SERAC1: variants seen among roughly 807,000 people sequenced by gnomAD.
The protein encoded by SERAC1 is protein SERAC1.
In SERAC1, 36 loss-of-function variants were observed where a neutral mutation model predicts 85.7. That is an observed-to-expected ratio of 0.42 (90% CI 0.32 to 0.55). SERAC1 has a LOEUF of 0.55. Ranked by LOEUF, SERAC1 falls within the 20% of genes least tolerant of loss-of-function variation. SERAC1 has a pLI of 0.11. For synonymous variants in SERAC1, 242 were observed against 265.3 expected (o/e 0.91, Z 0.85); for missense variants, 629 against 796.2 (o/e 0.79, Z 2.53).
At chr6:158,115,461 C>T (rs539530343) in intron 14 of SERAC1, among the ~76,000 whole-genome samples, 1 of 152,148 alleles carries the variant, frequency 6.6e-6, no homozygotes, top group Non-Finnish European at 1.5e-5. Context: ...GCTTTGGAAC[C>T]GATAATGAAA....
chr6:158,137,485 A>G (rs1391092676), intron 8 of SERAC1, among the ~76,000 whole-genome samples: 1 of 152,228 alleles, frequency 6.6e-6, no homozygotes, highest in East Asian at 1.9e-4. Flanking sequence ...CTGCCCAAGC[A>G]GAATGGAAAT....
chr6:158,131,354 ATATAC>A (rs928029305), intron 8 of SERAC1, among the ~76,000 whole-genome samples: 2 of 147,268 alleles, frequency 1.4e-5, no homozygotes, highest in African/African-American at 4.9e-5. Flanking sequence ...TTATATACTA[ATATAC>A]TATATATTTA....
chr6:158,124,796 C>T (rs542111003), intron 10 of SERAC1, among the ~76,000 whole-genome samples: 1 of 144,386 alleles, frequency 6.9e-6, no homozygotes, highest in South Asian at 2.2e-4. Context: ...CACATACACA[C>T]TCAACAAAGA....
At chr6:158,144,273 A>T in intron 7 of SERAC1, 26 bp downstream of exon 7, 1 of 1,572,044 alleles carries the variant, frequency 6.4e-7, no homozygotes, top group Non-Finnish European at 8.7e-7. Context: ...CACTCTCTAA[A>T]TTACTATTAT....
At chr6:158,133,567 A>G (rs1784728601) in intron 8 of SERAC1, among the ~76,000 whole-genome samples, 1 of 151,882 alleles carries the variant, frequency 6.6e-6, no homozygotes, top group African/African-American at 2.4e-5. Context: ...TTGTATTCTC[A>G]GTAGAGATAG....
At position 158,111,186 on chromosome 6, in the gene SERAC1, C is replaced by A; in HGVS notation, c.*180G>T. ...GCCCTTCCTTCTGTGCCTGCCACTTCCGGGTTGGTGCTTTACAGCGCTTGA... is the reference window on the plus strand; with the variant it reads ...GCCCTTCCTTCTGTGCCTGCCACTTACGGGTTGGTGCTTTACAGCGCTTGA... On this transcript the variant is annotated 3_prime_UTR_variant, in exon 17 of 17. Coordinates refer to ENST00000647468, the MANE Select transcript of SERAC1 (RefSeq NM_032861.4). The A allele has an allele frequency of 2.0e-6, 1 of 488,028 alleles. No individual in the cohort carries two copies. Among genetic ancestry groups the A allele is most frequent in the Admixed American group, 4.0e-5 (1 of 25,236 alleles). The allele number at this position is 488,028 out of a possible 1,614,324, so 30.2% of individuals were successfully genotyped here. A position where few individuals can be genotyped will look rare whatever the true frequency, so the allele number is the denominator to read the frequency against.
intron 8 of SERAC1, among the ~76,000 whole-genome samples, chr6:158,140,326 A>G (rs1490921230): frequency 2.0e-5 from 3 of 152,208 alleles, no homozygotes; most frequent in Admixed American, 6.5e-5. Flanking sequence ...GGTTGAGGTG[A>G]TCACCAAAGG....
At position 158,117,945 on chromosome 6, in the gene SERAC1, G is replaced by A; in HGVS notation, c.1309-124C>T. On this transcript the variant is annotated intron_variant, in intron 12 of 16. Transcript: ENST00000647468. The surrounding 1 kb of genome is among the most constrained non-coding windows in gnomAD (Gnocchi z 4.3). Reference sequence around the variant, plus strand: ...TAATTAAAGATAGCACTGGAATAAGGTTTGAAGGTACCGTAAAAACAATTC... The same window carrying A: ...TAATTAAAGATAGCACTGGAATAAGATTTGAAGGTACCGTAAAAACAATTC... 1 of 721,166 alleles carries A rather than the reference G, an allele frequency of 1.4e-6. No individual in the cohort carries two copies. Among genetic ancestry groups the A allele is most frequent in the Non-Finnish European group, 2.3e-6 (1 of 436,958 alleles). 44.7% of individuals were successfully genotyped at this position (721,166 alleles called of 1,614,324 possible).
At chr6:158,127,004 G>A (rs1241964458) in intron 10 of SERAC1, among the ~76,000 whole-genome samples, 3 of 150,960 alleles carry the variant, frequency 2.0e-5, no homozygotes, top group Admixed American at 6.6e-5. Context: ...AGTGAGCTAT[G>A]ACCACACCAC....
intron 8 of SERAC1, among the ~76,000 whole-genome samples, chr6:158,140,840 A>G (rs775956140): frequency 2.6e-5 from 4 of 151,854 alleles, no homozygotes; most frequent in African/African-American, 9.7e-5. Flanking sequence ...GTAGGGAAAA[A>G]CCCTCCACAC....
chr6:158,166,175 G>C (rs928088777), intron 1 of SERAC1: 1 of 152,186 alleles, frequency 6.6e-6, no homozygotes, highest in Non-Finnish European at 1.5e-5. Flanking sequence ...TAGTTTGAAA[G>C]TAAGAATCTA....
At chr6:158,155,159 GACA>G (rs1230619734) in intron 3 of SERAC1, among the ~76,000 whole-genome samples, 153 bp downstream of exon 3, 4 of 152,168 alleles carry the variant, frequency 2.6e-5, no homozygotes, top group Non-Finnish European at 5.9e-5. Flanking sequence ...ACCACATCAT[GACA>G]ACATTTAAGT....
At chr6:158,136,276 ATTTT>A (rs1349045840) in intron 8 of SERAC1, among the ~76,000 whole-genome samples, 1 of 152,068 alleles carries the variant, frequency 6.6e-6, no homozygotes, top group African/African-American at 2.4e-5. Flanking sequence ...ATCAGAATTT[ATTTT>A]CTCTTTTGAT....
chr6:158,165,839 TCTTGTCTAGTTCAAGCCAA>T (rs1562464970), intron 1 of SERAC1, among the ~76,000 whole-genome samples: 1 of 152,180 alleles, frequency 6.6e-6, no homozygotes, highest in Non-Finnish European at 1.5e-5. Context: ...ACTGCTACAC[TCTTGTCTAGTTCAAGCCAA>T]CATCATCTCT....
chr6:158,114,815 G>A lies in SERAC1; in HGVS notation c.1658C>T (p.Ser553Leu), dbSNP rs1410354740. 19 of 1,602,410 alleles carry A rather than the reference G, an allele frequency of 1.2e-5. No individual in the cohort carries two copies. The highest frequency in any genetic ancestry group is 4.2e-5 in the African/African-American group (3 of 71,214). ...SVNIRYLLFPSLEVKELSKDS... is the reference protein window; with the variant it reads ...SVNIRYLLFPLLEVKELSKDS... ...CTTGCTGAGTTCTTTGACTTCCAAC[G>A]AGGGGAAGAGAAGATAGCGAATATT... The change falls in exon 15 of 17, where the codon TCG (serine) becomes TTG (leucine). Residue 553 changes from serine (S) to leucine (L), a missense_variant. By Grantham distance (145) the Ser-to-Leu change is moderately radical. Coordinates refer to ENST00000647468, the MANE Select transcript of SERAC1 (RefSeq NM_032861.4).
In SERAC1 at chr6:158,149,287, C is replaced by T. The variant is rs560622704; in HGVS notation, c.266-333G>A. 2.0e-4 allele frequency among the ~76,000 whole-genome samples: 31 copies of T among 152,268 alleles called. No homozygotes were observed. In the Middle Eastern group the frequency reaches 0.01, roughly 50 times the overall value. ...GATTACAGGCGTGAGCCATCACACC[C>T]GGCCCAAGAATGTATTCTTAACACT... On this transcript the variant is annotated intron_variant, in intron 4 of 16. Coordinates refer to ENST00000647468, the MANE Select transcript of SERAC1 (RefSeq NM_032861.4).
intron 2 of SERAC1, among the ~76,000 whole-genome samples, chr6:158,157,277 A>G (rs150806247): frequency 0.015 from 2,287 of 152,212 alleles, 64 homozygotes; most frequent in African/African-American, 0.052. Flanking sequence ...GATTACAGGC[A>G]TGAGTCACCG....
chr6:158,138,279 A>C lies in SERAC1; in HGVS notation c.738+4777T>G, dbSNP rs193296232. ...GAAACCCCATCTCTACTAAAAATAC[A>C]AAAAAATTAGCCTAGTGTGGTGGCA... On this transcript the variant is annotated intron_variant, in intron 8 of 16. Transcript: ENST00000647468. 2.9e-3 allele frequency among the ~76,000 whole-genome samples: 448 copies of C among 151,884 alleles called. 4 individuals are homozygous for C. Among genetic ancestry groups the C allele is most frequent in the Middle Eastern group, 3.4e-3 (1 of 290 alleles).
intron 4 of SERAC1, among the ~76,000 whole-genome samples, chr6:158,150,078 G>A (rs547571975): frequency 6.6e-6 from 1 of 152,304 alleles, no homozygotes; most frequent in Admixed American, 6.5e-5. Flanking sequence ...TATCTCATGA[G>A]TTTGGTTTGC....
Sources: gnomAD v4.1 joint callset for allele counts (sites outside exome capture counted in the v4.1 genomes callset) on GRCh38, gnomAD v4.1.1 for gene constraint, Gnocchi (gnomAD v3.1) non-coding constraint, MANE v1.5 for transcripts, NCBI Gene and HGNC (gene_info 2026-07-23, HGNC 2026-07-21) for gene names.